Variants in ACAN observed in about 807,000 individuals in gnomAD.
ACAN encodes aggrecan core protein.
In ACAN, 47 loss-of-function variants were observed where a neutral mutation model predicts 169.1. The ratio of observed to expected loss-of-function variants is 0.28; its 90% CI spans 0.22 to 0.35. The LOEUF is 0.35. ACAN is among the 10% of genes least tolerant of loss of function. The pLI is 1.00. For missense variants in ACAN, 2,716 were observed against 2,759.9 expected (o/e 0.98, Z 0.36); for synonymous variants, 1,115 against 1,112.2 (o/e 1.00, Z -0.05).
intron 1 of ACAN, among the ~76,000 whole-genome samples, chr15:88,811,463 G>A (rs1343500168): frequency 6.6e-6 from 1 of 152,206 alleles, no homozygotes; most frequent in East Asian, 1.9e-4. Context: ...GACCCAGCAA[G>A]CGCTCTCCAA....
In ACAN at chr15:88,807,394, G is replaced by A. The variant is rs914615754; in HGVS notation, c.-8+3585G>A. On this transcript the variant is annotated intron_variant, in intron 1 of 18. Coordinates refer to ENST00000560601, the MANE Select transcript of ACAN (RefSeq NM_001369268.1). This position sits in a 1 kb window ranked among gnomAD's most constrained non-coding sequence, Gnocchi z 4.0. Reference sequence around the variant, plus strand: ...CATGCTTCGTGTCCTGATGGTAGCCGCACTGCCGCCCTGATAACTTAAAGG... The same window carrying A: ...CATGCTTCGTGTCCTGATGGTAGCCACACTGCCGCCCTGATAACTTAAAGG... Among the ~76,000 whole-genome samples the A allele has an allele frequency of 9.9e-5, 15 of 152,140 alleles. No individual in the cohort carries two copies. Among genetic ancestry groups the A allele is most frequent in the Non-Finnish European group, 1.5e-4 (10 of 68,024 alleles).
chr15:88,840,106 C>T lies in ACAN; in HGVS notation c.549C>T (p.Ala183=). Residue 183 remains alanine (A), a synonymous_variant, in exon 4 of 19, where the codon GCC becomes GCT. Coordinates refer to ENST00000560601, the MANE Select transcript of ACAN (RefSeq NM_001369268.1). ...RACLQNSAII[A]TPEQLQAAYE... ...GCCTGCAGAACAGTGCCATCATTGC[C>T]ACGCCTGAGCAGCTGCAGGCCGCCT... is the stretch of plus-strand genomic sequence containing the variant. 6.2e-7 allele frequency: 1 copy of T among 1,605,350 alleles called. No individual in the cohort carries two copies. Among genetic ancestry groups the T allele is most frequent in the Middle Eastern group, 1.7e-4 (1 of 6,046 alleles).
intron 11 of ACAN, among the ~76,000 whole-genome samples, chr15:88,853,749 GATAGATACATACATACATAC>G (rs890408499): frequency 3.2e-5 from 4 of 124,578 alleles, no homozygotes; most frequent in African/African-American, 1.3e-4. Context: ...TAGATAGATA[GATAGATACATACATACATAC>G]ATACATACAT....
chr15:88,851,947 C>A lies in ACAN; in HGVS notation c.2180C>A (p.Thr727Asn). Residue 727 changes from threonine (T) to asparagine (N), a missense_variant, in exon 11 of 19, where the codon ACT becomes AAT. Thr to Asn is a moderately conservative substitution (Grantham distance 65). Coordinates refer to ENST00000560601, the MANE Select transcript of ACAN (RefSeq NM_001369268.1). The surrounding 1 kb of genome is among the most constrained non-coding windows in gnomAD (Gnocchi z 4.3). The stretch of plus-strand genomic sequence containing the variant: ...ACTGCTGTACCCTCAGGGGAGACTA[C>A]TGCCATCCTAGAGTTCACCACCGAG... ...ETTAVPSGETTAILEFTTEPE... is the reference protein window; with the variant it reads ...ETTAVPSGETNAILEFTTEPE... 3 of 1,612,676 alleles carry A rather than the reference C, an allele frequency of 1.9e-6. No homozygotes were observed. The highest frequency in any genetic ancestry group is 2.5e-6 in the Non-Finnish European group (3 of 1,179,366).
In ACAN at chr15:88,855,095, C is replaced by A. The variant is rs1428070477; in HGVS notation, c.2510C>A (p.Ala837Asp). Reference protein sequence around the residue: ...KEPSPSEEPSASEEPYTPSPP... With the variant: ...KEPSPSEEPSDSEEPYTPSPP... ...CCATCCCCCTCAGAGGAACCATCAG[C>A]CTCGGAAGAGCCGTATACACCTTCA... Residue 837 changes from alanine to aspartate, a missense_variant, in exon 12 of 19, where the codon GCC (alanine) becomes GAC (aspartate). This residue lies in a region of ACAN where 1,283 missense variants were observed against 1,281.5 expected (regional missense o/e 1.00). Coordinates refer to ENST00000560601, the MANE Select transcript of ACAN (RefSeq NM_001369268.1). 4 of 1,594,966 alleles carry A rather than the reference C, an allele frequency of 2.5e-6. No individual in the cohort carries two copies. In the African/African-American group the frequency reaches 4.0e-5, roughly 16 times the overall value.
Position 88,840,001 on chromosome 15 carries a change from G to A in ACAN, c.455-11G>A. On this transcript the variant is annotated splice_polypyrimidine_tract_variant and intron_variant, in intron 3 of 18. Transcript: ENST00000560601. ...AGCTCTTCCGCTTGTGGGCGTGTAT[G>A]TGTCTTGCAGGCATCGTGTTCCATT... 1 of 1,593,952 alleles carries A rather than the reference G, an allele frequency of 6.3e-7. No homozygotes were observed. Among genetic ancestry groups the A allele is most frequent in the Non-Finnish European group, 8.6e-7 (1 of 1,169,472 alleles).
At chr15:88,841,657 C>T (rs971691752) in intron 4 of ACAN, 83 bp from the exon 5 acceptor site, 3 of 1,554,138 alleles carry the variant, frequency 1.9e-6, no homozygotes, top group Admixed American at 1.7e-5. Context: ...TGTTTCCTCC[C>T]ACGGGAGGAG....
chr15:88,823,848 G>C (rs1896138994), intron 1 of ACAN, among the ~76,000 whole-genome samples: 1 of 152,090 alleles, frequency 6.6e-6, no homozygotes, highest in African/African-American at 2.4e-5. Flanking sequence ...CTCCACTCTT[G>C]CACCTCTTTT....
intron 1 of ACAN, among the ~76,000 whole-genome samples, chr15:88,824,301 C>G (rs7171190): frequency 0.19 from 28,887 of 151,042 alleles, 3,227 homozygotes; most frequent in African/African-American, 0.31. Flanking sequence ...TCCCGGGTGA[C>G]AGAGCGAGAC....
chr15:88,859,358 C>A lies in ACAN; in HGVS notation c.6773C>A (p.Thr2258Lys), dbSNP rs754614021. 21 of 1,592,172 alleles carry A rather than the reference C, an allele frequency of 1.3e-5. No homozygotes were observed. The South Asian group carries it at 2.2e-4, about 16-fold the overall frequency. The change falls in exon 12 of 19, where the codon ACA becomes AAA. Residue 2258 changes from threonine to lysine, a missense_variant. Transcript: ENST00000560601. ...THTVETATSP[T>K]DASIPASPEW... ...ACAGTCGAAACAGCCACCTCCCCAACAGATGCTTCCATCCCAGCTTCTCCG... is the reference window on the plus strand; with the variant it reads ...ACAGTCGAAACAGCCACCTCCCCAAAAGATGCTTCCATCCCAGCTTCTCCG...
rs60138724 is a variant in ACAN, at chr15:88,825,057, A to G, written c.-7-11143A>G. 3.5e-3 allele frequency among the ~76,000 whole-genome samples: 531 copies of G among 152,256 alleles called. 3 individuals are homozygous for G. Among genetic ancestry groups the G allele is most frequent in the African/African-American group, 0.012 (502 of 41,556 alleles). On this transcript the variant is annotated intron_variant, in intron 1 of 18. Coordinates refer to ENST00000560601, the MANE Select transcript of ACAN (RefSeq NM_001369268.1). The stretch of plus-strand genomic sequence containing the variant: ...TGGAAGAAGAAAGAGCAAGCACAAA[A>G]CCCTTAGGACAAAATCAGCTCGTGT...
chr15:88,859,170 G>A lies in ACAN; in HGVS notation c.6585G>A (p.Arg2195=), dbSNP rs764067487. The part of the protein sequence containing the change: ...PSATPTASGD[R]TEISGDLSGH... ...CCACTCCCACGGCTTCTGGAGACAG[G>A]ACTGAAATCAGCGGAGACCTGTCTG... The change falls in exon 12 of 19, where the codon AGG becomes AGA. Residue 2195 remains arginine, a synonymous_variant. Transcript: ENST00000560601. 5.0e-6 allele frequency: 8 copies of A among 1,613,834 alleles called. No homozygotes were observed. The highest frequency in any genetic ancestry group is 4.4e-5 in the South Asian group (4 of 91,080).
intron 1 of ACAN, among the ~76,000 whole-genome samples, chr15:88,818,883 C>T (rs1179394262): frequency 3.3e-5 from 5 of 152,142 alleles, no homozygotes; most frequent in African/African-American, 1.2e-4. Flanking sequence ...CTGAACTGTA[C>T]ATTTTTAGAA....
chr15:88,874,852 G>A lies in ACAN; in HGVS notation c.*371G>A, dbSNP rs1596159093. 1 of 358,452 alleles carries A rather than the reference G, an allele frequency of 2.8e-6. No homozygotes were observed. Among genetic ancestry groups the A allele is most frequent in the East Asian group, 7.2e-5 (1 of 13,884 alleles). The allele number at this position is 358,452 out of a possible 1,614,324, so 22.2% of individuals were successfully genotyped here. On this transcript the variant is annotated 3_prime_UTR_variant, in exon 19 of 19. Transcript: ENST00000560601. The surrounding 1 kb of genome is among the most constrained non-coding windows in gnomAD (Gnocchi z 7.3). ...TGTTTCCTGACTTTATCCAAGAGCA[G>A]TGCAATCGTTGGTTATTTCACCTCC...
intron 1 of ACAN, among the ~76,000 whole-genome samples, chr15:88,829,631 G>C (rs1896310643): frequency 6.6e-6 from 1 of 152,198 alleles, no homozygotes; most frequent in Admixed American, 6.5e-5. Context: ...AGATTAGGCT[G>C]CAAATAAGTG....
At chr15:88,850,163 C>T (rs1177786459) in intron 10 of ACAN, 1 of 410,606 alleles carries the variant, frequency 2.4e-6, no homozygotes, top group Non-Finnish European at 4.3e-6. Context: ...ATATACATAT[C>T]TATATGTAAA....
Position 88,851,903 on chromosome 15 carries a change from C to T in ACAN, c.2136C>T (p.Val712=). The stretch of plus-strand genomic sequence containing the variant: ...AAGTGGTTCCTGGTGTGGCTGCTGT[C>T]CCCGTAGAAGAGGAGACAACTGCTG... ...VTQVVPGVAA[V]PVEEETTAVP... is the part of the protein sequence containing the mutation. Residue 712 remains valine (V), a synonymous_variant, in exon 11 of 19, where the codon GTC becomes GTT. Transcript: ENST00000560601. This position sits in a 1 kb window ranked among gnomAD's most constrained non-coding sequence, Gnocchi z 4.3. The T allele has an allele frequency of 1.2e-6, 2 of 1,612,370 alleles. No individual in the cohort carries two copies. Among genetic ancestry groups the T allele is most frequent in the Non-Finnish European group, 1.7e-6 (2 of 1,179,304 alleles).
At chr15:88,809,352 G>A (rs1317420865) in intron 1 of ACAN, among the ~76,000 whole-genome samples, 1 of 152,108 alleles carries the variant, frequency 6.6e-6, no homozygotes, top group African/African-American at 2.4e-5. Context: ...TGACCTAGGG[G>A]AAACTGCTTC....
intron 1 of ACAN, among the ~76,000 whole-genome samples, chr15:88,808,048 G>T (rs1035734090): frequency 1.3e-5 from 2 of 152,264 alleles, no homozygotes; most frequent in Non-Finnish European, 2.9e-5. Context: ...GGGGGCGGGG[G>T]TGCCTGTCTT....
Sources: allele counts gnomAD v4.1 joint callset (sites outside exome capture counted in the v4.1 genomes callset), GRCh38; gene constraint gnomAD v4.1.1; regional missense constraint gnomAD v4.1.1; non-coding constraint Gnocchi (gnomAD v3.1); transcripts MANE v1.5; gene names NCBI Gene and HGNC (gene_info 2026-07-23, HGNC 2026-07-21).